Variants in ADGRB3 observed in about 807,000 individuals in gnomAD.
The protein encoded by ADGRB3 is brain-specific angiogenesis inhibitor 3.
A neutral mutation model predicts 193.4 loss-of-function variants in ADGRB3; 37 were observed. That is an observed-to-expected ratio of 0.19 (90% CI 0.15 to 0.25). The LOEUF (loss-of-function observed/expected upper bound fraction) is 0.25. ADGRB3 is among the 10% of genes least tolerant of loss of function. The pLI, the probability that ADGRB3 is intolerant of heterozygous loss-of-function variation, is 1.00. For synonymous variants in ADGRB3, 690 were observed against 644.2 expected, an observed-to-expected ratio of 1.07 and a Z score of -1.08; for missense variants, 1,637 against 1,852.9, an observed-to-expected ratio of 0.88 and a Z score of 2.14.
chr6:68,647,429 T>TA (rs1038736909), intron 3 of ADGRB3, among the ~76,000 whole-genome samples: 2 of 152,186 alleles, frequency 1.3e-5, no homozygotes, highest in African/African-American at 4.8e-5. Flanking sequence ...ACTTTGTTTT[T>TA]ATTCTTATTT....
intron 17 of ADGRB3, among the ~76,000 whole-genome samples, chr6:69,087,197 G>A (rs565518871): frequency 6.6e-6 from 1 of 152,254 alleles, no homozygotes; most frequent in South Asian, 2.1e-4. Context: ...TTTCATTGTT[G>A]TGAACTTCAA....
chr6:69,253,025 C>T (rs538083172), intron 20 of ADGRB3, among the ~76,000 whole-genome samples: 1 of 152,080 alleles, frequency 6.6e-6, no homozygotes, highest in Admixed American at 6.6e-5. Context: ...TCCAATTGTT[C>T]TGGTACTGTT....
intron 20 of ADGRB3, among the ~76,000 whole-genome samples, chr6:69,266,047 G>A (rs1337039850): frequency 6.6e-6 from 1 of 151,950 alleles, no homozygotes; most frequent in Non-Finnish European, 1.5e-5. Flanking sequence ...TTACAGTGTT[G>A]TGGGATTTTA....
chr6:68,764,795 A>C (rs1263753224), intron 3 of ADGRB3, among the ~76,000 whole-genome samples: 3 of 152,172 alleles, frequency 2.0e-5, no homozygotes, highest in African/African-American at 7.2e-5. Flanking sequence ...AAATCAATTA[A>C]TATCTTGAAA....
intron 3 of ADGRB3, among the ~76,000 whole-genome samples, chr6:68,853,098 C>T (rs1188926390): frequency 6.6e-6 from 1 of 151,994 alleles, no homozygotes; most frequent in Non-Finnish European, 1.5e-5. Context: ...ATTCTAGAGC[C>T]TAGATTTTAT....
chr6:68,661,325 GTATATATATATATATA>G (rs1285732546), intron 3 of ADGRB3, among the ~76,000 whole-genome samples: 1 of 89,586 alleles, frequency 1.1e-5, no homozygotes, highest in Non-Finnish European at 2.3e-5. Context: ...GTGTGTGTGT[GTATATATATATATATA>G]TGTGTGTGTG....
chr6:68,943,377 G>T (rs1323133195), intron 5 of ADGRB3, among the ~76,000 whole-genome samples: 2 of 151,984 alleles, frequency 1.3e-5, no homozygotes, highest in African/African-American at 2.4e-5. Context: ...TAATATAATA[G>T]AAGTCATTAA....
intron 17 of ADGRB3, among the ~76,000 whole-genome samples, chr6:69,100,205 C>T (rs1772992112): frequency 6.6e-6 from 1 of 152,144 alleles, no homozygotes; most frequent in South Asian, 2.1e-4. Context: ...TTCTGTAAAT[C>T]ATTCGGTCTA....
Position 69,243,662 on chromosome 6 carries a change from C to A in ADGRB3, c.2814+4436C>A, listed in dbSNP as rs1363624602. On this transcript the variant is annotated intron_variant, in intron 20 of 31. Coordinates refer to ENST00000370598, the MANE Select transcript of ADGRB3 (RefSeq NM_001704.3). ...ATTCATTATAGTGATTAACCAGACA[C>A]TAGTTCACCAATAAAGACTAATCTT... 2.0e-5 allele frequency among the ~76,000 whole-genome samples: 3 copies of A among 152,104 alleles called. No homozygotes were observed. In the East Asian group the frequency reaches 5.8e-4, roughly 29 times the overall value.
chr6:68,811,141 A>G (rs1767505492), intron 3 of ADGRB3, among the ~76,000 whole-genome samples: 1 of 152,122 alleles, frequency 6.6e-6, no homozygotes, highest in South Asian at 2.1e-4. Context: ...TTCAGAGTCA[A>G]TTGATTTTAA....
chr6:68,638,565 A>G, intron 2 of ADGRB3, 96 bp from the exon 3 acceptor site: 1 of 1,264,878 alleles, frequency 7.9e-7, no homozygotes, highest in Non-Finnish European at 1.1e-6. Context: ...TTTTACTGAA[A>G]TCTTGAAAAC....
At chr6:68,914,210 T>C (rs940892171) in intron 3 of ADGRB3, among the ~76,000 whole-genome samples, 4 of 150,426 alleles carry the variant, frequency 2.7e-5, no homozygotes, top group Admixed American at 2.0e-4. Flanking sequence ...AAGATACTCC[T>C]CGAGAAGAGC....
intron 26 of ADGRB3, among the ~76,000 whole-genome samples, chr6:69,353,843 C>T (rs1040646739): frequency 6.6e-6 from 1 of 152,146 alleles, no homozygotes; most frequent in South Asian, 2.1e-4. Flanking sequence ...GTGGGCAGAT[C>T]ACCTGAGGTC....
At chr6:68,676,288 G>C (rs1424091864) in intron 3 of ADGRB3, among the ~76,000 whole-genome samples, 1 of 151,548 alleles carries the variant, frequency 6.6e-6, no homozygotes, top group Non-Finnish European at 1.5e-5. Flanking sequence ...CTACTCAGGA[G>C]GCTAAGGCGA....
intron 3 of ADGRB3, among the ~76,000 whole-genome samples, chr6:68,676,126 C>G (rs2127295976): frequency 6.6e-6 from 1 of 152,194 alleles, no homozygotes; most frequent in African/African-American, 2.4e-5. Flanking sequence ...GGCGTGGTGG[C>G]TCACGCTTGT....
At chr6:69,309,759 T>C (rs191970156) in intron 20 of ADGRB3, among the ~76,000 whole-genome samples, 47 of 151,756 alleles carry the variant, frequency 3.1e-4, no homozygotes, top group African/African-American at 1.1e-3. Context: ...GTAATTGAAT[T>C]CTCTTTCTTC....
chr6:68,826,301 A>G (rs1316639132), intron 3 of ADGRB3, among the ~76,000 whole-genome samples: 1 of 152,212 alleles, frequency 6.6e-6, no homozygotes. Context: ...TGAAATGGGA[A>G]TTCGAGGAAG....
chr6:68,668,742 G>A (rs1768862036), intron 3 of ADGRB3, among the ~76,000 whole-genome samples: 1 of 151,676 alleles, frequency 6.6e-6, no homozygotes, highest in Non-Finnish European at 1.5e-5. Flanking sequence ...AATGCTTTAA[G>A]GCCCATATAT....
At chr6:68,986,966 C>T (rs1320119791) in intron 10 of ADGRB3, among the ~76,000 whole-genome samples, 2 of 152,080 alleles carry the variant, frequency 1.3e-5, no homozygotes, top group African/African-American at 4.8e-5. Context: ...ACCCTCTCCA[C>T]ATCTCTCTAT....
Sources: allele counts gnomAD v4.1 joint callset (sites outside exome capture counted in the v4.1 genomes callset), GRCh38; gene constraint gnomAD v4.1.1; transcripts MANE v1.5; gene names NCBI Gene and HGNC (gene_info 2026-07-23, HGNC 2026-07-21).